ASB3: variants seen among roughly 807,000 people sequenced by gnomAD.
ASB3 encodes the protein ankyrin repeat and SOCS box protein 3.
In ASB3, 41 loss-of-function variants were observed where a neutral mutation model predicts 54.5. The ratio of observed to expected loss-of-function variants is 0.75; its 90% CI spans 0.59 to 0.98. The LOEUF (loss-of-function observed/expected upper bound fraction) is 0.98, where lower values mean the gene tolerates loss of function less well. Ranked by LOEUF, ASB3 falls within the 50% of genes least tolerant of loss-of-function variation. ASB3 has a pLI of 0.00. For synonymous variants in ASB3, 266 were observed against 221.2 expected (o/e 1.20, Z -1.80); for missense variants, 733 against 620.0 (o/e 1.18, Z -1.94).
At chr2:53,708,296 C>T (rs1244642171) in intron 7 of ASB3, among the ~76,000 whole-genome samples, 2 of 152,216 alleles carry the variant, frequency 1.3e-5, no homozygotes. Context: ...AGCCTGCTCT[C>T]ACTTCGCCTT....
intron 7 of ASB3, among the ~76,000 whole-genome samples, chr2:53,712,083 T>C (rs565055590): frequency 3.9e-5 from 6 of 152,224 alleles, no homozygotes; most frequent in African/African-American, 9.6e-5. Context: ...TTTGGAGTAC[T>C]TGTGAAAGGA....
rs540947726 is a variant in ASB3, at chr2:53,735,010, CCCAGGTTGAAGCGAATCTCCTGCCTCAG to C, written c.356-5468_356-5441del. The stretch of plus-strand genomic sequence containing the variant: ...TCTTGGCTCACTACAACCTCCACCT[CCCAGGTTGAAGCGAATCTCCTGCCTCAG>C]CCTCCCTAGTAGCTAGGATTATAGA... On this transcript the variant is annotated intron_variant, in intron 3 of 9. Transcript: ENST00000263634. Among the ~76,000 whole-genome samples the C allele has an allele frequency of 5.3e-5, 8 of 151,100 alleles. No individual in the cohort carries two copies. The South Asian group carries it at 1.7e-3, about 32-fold the overall frequency.
chr2:53,689,240 A>G (rs1048315414), intron 9 of ASB3, among the ~76,000 whole-genome samples: 4 of 152,176 alleles, frequency 2.6e-5, no homozygotes, highest in African/African-American at 9.7e-5. Flanking sequence ...TAACCATTAT[A>G]TTCTGTCTGC....
At chr2:53,722,291 A>G (rs1299249520) in intron 5 of ASB3, among the ~76,000 whole-genome samples, 1 of 152,188 alleles carries the variant, frequency 6.6e-6, no homozygotes, top group Non-Finnish European at 1.5e-5. Context: ...ATTCCCAAAA[A>G]TCAAGGAGGA....
chr2:53,691,901 C>T (rs1183822846), intron 9 of ASB3, among the ~76,000 whole-genome samples: 1 of 152,122 alleles, frequency 6.6e-6, no homozygotes, highest in Non-Finnish European at 1.5e-5. Flanking sequence ...CAAGCTTTCC[C>T]CAAGCAGGTT....
intron 3 of ASB3, among the ~76,000 whole-genome samples, chr2:53,732,904 A>G (rs1338048134): frequency 6.6e-6 from 1 of 152,206 alleles, no homozygotes; most frequent in East Asian, 1.9e-4. Context: ...TAAAATGGAA[A>G]TATCAAATTG....
intron 7 of ASB3, among the ~76,000 whole-genome samples, chr2:53,701,210 A>G (rs1326998505): frequency 6.6e-6 from 1 of 152,196 alleles, no homozygotes; most frequent in East Asian, 1.9e-4. Flanking sequence ...CCTGGCCTCA[A>G]TGAATCCTCC....
At chr2:53,718,256 A>C (rs1670507008) in intron 5 of ASB3, among the ~76,000 whole-genome samples, 1 of 150,742 alleles carries the variant, frequency 6.6e-6, no homozygotes, top group African/African-American at 2.4e-5. Context: ...AACACTAAAG[A>C]AAAAATCTTA....
rs1187646927 is a variant in ASB3 at position 53,728,759 on chromosome 2, G to C, written c.557C>G (p.Ala186Gly). The C allele has an allele frequency of 6.2e-7, 1 of 1,612,174 alleles. No homozygotes were observed. The highest frequency in any genetic ancestry group is 1.1e-5 in the South Asian group (1 of 90,734). ...DDFGITPLFVAAQYGKLESLS... is the reference protein window; with the variant it reads ...DDFGITPLFVGAQYGKLESLS... ...GCTTTCTAGCTTGCCATACTGAGCA[G>C]CCACAAATAAAGGTGTGATTCCAAA... The change falls in exon 5 of 10, where the codon GCT (alanine) becomes GGT (glycine). Residue 186 changes from alanine (A) to glycine (G), a missense_variant. Transcript: ENST00000263634.
chr2:53,779,249 AGAGTTATTT>A (rs1349848462), intron 1 of ASB3, among the ~76,000 whole-genome samples: 15 of 152,154 alleles, frequency 9.9e-5, no homozygotes, highest in Non-Finnish European at 1.3e-4. Flanking sequence ...TTCTTTCTAT[AGAGTTATTT>A]GAGTTCCTTT....
Position 53,716,733 on chromosome 2 carries a change from G to T in ASB3, c.615C>A (p.Val205=). 6.2e-7 allele frequency: 1 copy of T among 1,612,482 alleles called. No homozygotes were observed. The highest frequency in any genetic ancestry group is 1.1e-5 in the South Asian group (1 of 90,934). The stretch of plus-strand genomic sequence containing the variant: ...TAGCTTTGTCCAAGGCTTGACAATT[G>T]ACATTTGCACCTAAGGGTACAAAAT... ...LSILISSGAN[V]NCQALDKATP... is the part of the protein sequence containing the mutation. Residue 205 remains valine, a synonymous_variant, in exon 6 of 10, where the codon GTC becomes GTA. Transcript: ENST00000263634.
chr2:53,778,146 T>C (rs962169532), intron 1 of ASB3, among the ~76,000 whole-genome samples: 3 of 117,226 alleles, frequency 2.6e-5, no homozygotes, highest in Admixed American at 9.5e-5. Context: ...AGGATTCTTG[T>C]CTCAAAAAAA....
At chr2:53,765,620 A>G in intron 1 of ASB3, 35 bp from the exon 2 acceptor site, 2 of 1,612,228 alleles carry the variant, frequency 1.2e-6, no homozygotes, top group Non-Finnish European at 1.7e-6. Flanking sequence ...TACTATAGTC[A>G]ATAAAACAAC....
intron 9 of ASB3, among the ~76,000 whole-genome samples, chr2:53,688,731 C>A (rs962491115): frequency 6.6e-6 from 1 of 151,578 alleles, no homozygotes; most frequent in African/African-American, 2.4e-5. Context: ...GGGAGTTGAA[C>A]AATGAGAACA....
chr2:53,733,777 CAG>C (rs1195009691), intron 3 of ASB3, among the ~76,000 whole-genome samples: 2 of 152,176 alleles, frequency 1.3e-5, no homozygotes, highest in Non-Finnish European at 2.9e-5. Context: ...AAGACACACA[CAG>C]AGAAATACAG....
chr2:53,780,210 A>G (rs982342902), intron 1 of ASB3, among the ~76,000 whole-genome samples: 5 of 152,162 alleles, frequency 3.3e-5, no homozygotes, highest in Admixed American at 3.3e-4. Context: ...CTGGCATTCA[A>G]CTACTTACCA....
chr2:53,750,385 G>C (rs1294838828), intron 3 of ASB3, among the ~76,000 whole-genome samples: 2 of 152,104 alleles, frequency 1.3e-5, no homozygotes, highest in Non-Finnish European at 2.9e-5. Context: ...TAAAGTATTA[G>C]CTGGTGATTT....
At position 53,670,434 on chromosome 2, in the gene ASB3, C is replaced by T. The variant is rs545518381; in HGVS notation, c.*69G>A. On this transcript the variant is annotated 3_prime_UTR_variant, in exon 10 of 10. Transcript: ENST00000263634. ...GACTATAAAATCATAAAAACTTGTA[C>T]TCTGTGGCTCTTTTGTCTCGATGAT... The T allele has an allele frequency of 2.7e-6, 4 of 1,506,710 alleles. No homozygotes were observed. The highest frequency in any genetic ancestry group is 1.4e-5 in the African/African-American group (1 of 70,626). 93.3% of individuals were successfully genotyped at this position (1,506,710 alleles called of 1,614,324 possible).
chr2:53,716,591 C>T lies in ASB3; in HGVS notation c.757G>A (p.Ala253Thr). 6.2e-7 allele frequency: 1 copy of T among 1,613,588 alleles called. No homozygotes were observed. Among genetic ancestry groups the T allele is most frequent in the Non-Finnish European group, 8.5e-7 (1 of 1,179,734 alleles). ...NEDSWQLPIHAAAQMGHTKIL... is the reference protein window; with the variant it reads ...NEDSWQLPIHTAAQMGHTKIL... ...TTTGTATGGCCCATTTGTGCAGCTG[C>T]ATGAATAGGTAACTGCCAACTGTCC... is the stretch of plus-strand genomic sequence containing the variant. Residue 253 changes from alanine to threonine, a missense_variant, in exon 6 of 10, where the codon GCA becomes ACA. Coordinates refer to ENST00000263634, the MANE Select transcript of ASB3 (RefSeq NM_016115.5).
Sources: allele counts gnomAD v4.1 joint callset (sites outside exome capture counted in the v4.1 genomes callset), GRCh38; gene constraint gnomAD v4.1.1; transcripts MANE v1.5; gene names NCBI Gene and HGNC (gene_info 2026-07-23, HGNC 2026-07-21).